Variants in FANCL observed in about 807,000 individuals in gnomAD.
FANCL encodes E3 ubiquitin-protein ligase FANCL.
Under a neutral mutation model 59.4 loss-of-function variants are expected in FANCL, and 69 were observed. That is an observed-to-expected ratio of 1.16 (90% confidence interval 0.96 to 1.42). The LOEUF (loss-of-function observed/expected upper bound fraction) is 1.42, where lower values mean the gene tolerates loss of function less well. FANCL is among the 40% of genes most tolerant of loss of function. The pLI is 0.00. For synonymous variants in FANCL, 180 were observed against 147.1 expected (o/e 1.22, Z -1.62); for missense variants, 519 against 447.2 (o/e 1.16, Z -1.45).
intron 7 of FANCL, among the ~76,000 whole-genome samples, chr2:58,166,658 G>C (rs1685982048): frequency 6.6e-6 from 1 of 152,094 alleles, no homozygotes; most frequent in Admixed American, 6.6e-5. Context: ...TAATAAGAAG[G>C]ATTTGTTTCA....
intron 7 of FANCL, among the ~76,000 whole-genome samples, chr2:58,188,386 T>G (rs540663201): frequency 1.1e-3 from 160 of 152,270 alleles, no homozygotes; most frequent in Admixed American, 4.1e-3. Flanking sequence ...ACAGGACCTT[T>G]GCAGCCTTTG....
intron 5 of FANCL, among the ~76,000 whole-genome samples, chr2:58,207,197 C>T (rs1378149191): frequency 6.6e-6 from 1 of 152,118 alleles, no homozygotes; most frequent in Non-Finnish European, 1.5e-5. Context: ...ACTCTCCTTT[C>T]CTGTAGACTA....
chr2:58,216,655 G>A (rs759388980), intron 5 of FANCL, among the ~76,000 whole-genome samples: 11 of 152,096 alleles, frequency 7.2e-5, no homozygotes, highest in Non-Finnish European at 1.3e-4. Context: ...TTTTCAAAAA[G>A]TATTAGGGAT....
chr2:58,200,417 G>A (rs1445455478), intron 6 of FANCL, among the ~76,000 whole-genome samples: 1 of 151,982 alleles, frequency 6.6e-6, no homozygotes. Context: ...CTTCTAAAAT[G>A]TCAAAATTCT....
At chr2:58,216,141 C>G (rs2105237393) in intron 5 of FANCL, among the ~76,000 whole-genome samples, 1 of 152,158 alleles carries the variant, frequency 6.6e-6, no homozygotes, top group South Asian at 2.1e-4. Context: ...GGGGGAAATC[C>G]CAATGAATAT....
rs377052216 is a variant in FANCL at position 58,160,185 on chromosome 2, A to G, written c.1021-6T>C. On this transcript the variant is annotated splice_polypyrimidine_tract_variant and splice_region_variant and intron_variant, in intron 12 of 13. Transcript: ENST00000233741. The stretch of plus-strand genomic sequence containing the variant: ...GTTAGTAGTCCTCTCAGCCACTGCA[A>G]ATTTTAAAAGATAAAGGAGAAGCGT... The G allele has an allele frequency of 1.9e-5, 30 of 1,612,248 alleles. No homozygotes were observed. The African/African-American group carries it at 3.5e-4, about 19-fold the overall frequency.
At chr2:58,183,854 T>C (rs1688154977) in intron 7 of FANCL, among the ~76,000 whole-genome samples, 2 of 151,988 alleles carry the variant, frequency 1.3e-5, no homozygotes, top group Non-Finnish European at 2.9e-5. Flanking sequence ...TTCTCTGATA[T>C]AAAAGTACCC....
rs536357184 is a variant in FANCL at position 58,228,517 on chromosome 2, T to A, written c.216+1297A>T. ...CAATACTGTTTTTGTAAACAAAGTT[T>A]TATTGGCATGTAGCCATACACATTC... On this transcript the variant is annotated intron_variant, in intron 3 of 13. Transcript: ENST00000233741. Among the ~76,000 whole-genome samples the A allele has an allele frequency of 2.0e-5, 3 of 152,358 alleles. No individual in the cohort carries two copies. In the South Asian group the frequency reaches 6.2e-4, roughly 32 times the overall value.
intron 7 of FANCL, among the ~76,000 whole-genome samples, chr2:58,187,821 G>A (rs1004005792): frequency 2.0e-5 from 3 of 152,094 alleles, no homozygotes; most frequent in African/African-American, 7.2e-5. Flanking sequence ...AACTTTGAGA[G>A]TTCTTTATAT....
intron 3 of FANCL, 151 bp downstream of exon 3, chr2:58,229,663 G>A (rs773518421): frequency 3.0e-6 from 2 of 655,756 alleles, no homozygotes; most frequent in Admixed American, 5.1e-5. Flanking sequence ...AGGACACTGA[G>A]ATTTAAAAAC....
intron 12 of FANCL, 38 bp downstream of exon 12, chr2:58,161,484 T>A (rs1177586171): frequency 1.6e-6 from 2 of 1,225,818 alleles, no homozygotes; most frequent in Admixed American, 1.7e-5. Context: ...TATGTTGTGT[T>A]AGCGGAAAAA....
At position 58,165,812 on chromosome 2, in the gene FANCL, C is replaced by A; in HGVS notation, c.603G>T (p.Trp201Cys). 1 of 1,614,028 alleles carries A rather than the reference C, an allele frequency of 6.2e-7. No homozygotes were observed. The highest frequency in any genetic ancestry group is 8.5e-7 in the Non-Finnish European group (1 of 1,179,964). Residue 201 changes from tryptophan to cysteine, a missense_variant, in exon 8 of 14, where the codon TGG (tryptophan) becomes TGT (cysteine). Physicochemically the swap from Trp to Cys is radical, Grantham distance 215. Coordinates refer to ENST00000233741, the MANE Select transcript of FANCL (RefSeq NM_018062.4). The stretch of plus-strand genomic sequence containing the variant: ...TCTCATCGATTTCATCCATAACATC[C>A]CAGAATGCCTTTAGTGATTCTATTG... ...LAAIESLKAF[W>C]DVMDEIDEKT...
chr2:58,194,380 T>C (rs1689231920), intron 7 of FANCL: 5 of 448,678 alleles, frequency 1.1e-5, no homozygotes. Flanking sequence ...ACATCTGACC[T>C]GTATGTAAAA....
intron 7 of FANCL, among the ~76,000 whole-genome samples, chr2:58,192,089 C>A (rs1292953893): frequency 6.6e-5 from 10 of 151,942 alleles, no homozygotes; most frequent in African/African-American, 2.4e-4. Flanking sequence ...TTATTAACAT[C>A]AGCAAGTAAA....
At chr2:58,193,301 A>T (rs1247593299) in intron 7 of FANCL, among the ~76,000 whole-genome samples, 1 of 152,120 alleles carries the variant, frequency 6.6e-6, no homozygotes, top group African/African-American at 2.4e-5. Context: ...TTATACAATG[A>T]CACCTCAATA....
chr2:58,190,827 A>G (rs191979160), intron 7 of FANCL, among the ~76,000 whole-genome samples: 313 of 151,994 alleles, frequency 2.1e-3, no homozygotes, highest in Middle Eastern at 3.4e-3. Context: ...TTCCAATTCT[A>G]TATCTATCTA....
chr2:58,185,642 T>G (rs949413507), intron 7 of FANCL, among the ~76,000 whole-genome samples: 3 of 152,148 alleles, frequency 2.0e-5, no homozygotes, highest in African/African-American at 7.2e-5. Context: ...ACCCCGATAA[T>G]TAAGCAGGGT....
chr2:58,201,505 AGGCT>A (rs1386579146), intron 6 of FANCL, among the ~76,000 whole-genome samples: 2 of 152,016 alleles, frequency 1.3e-5, no homozygotes, highest in African/African-American at 4.8e-5. Flanking sequence ...CTAAGCAGTA[AGGCT>A]GATCCCCAAG....
At chr2:58,170,231 T>G (rs1277339502) in intron 7 of FANCL, among the ~76,000 whole-genome samples, 4 of 152,158 alleles carry the variant, frequency 2.6e-5, no homozygotes, top group African/African-American at 9.7e-5. Flanking sequence ...GGGCCAATAT[T>G]TAATATTCTT....
Sources: gnomAD v4.1 joint callset for allele counts (sites outside exome capture counted in the v4.1 genomes callset) on GRCh38, gnomAD v4.1.1 for gene constraint, MANE v1.5 for transcripts, NCBI Gene and HGNC (gene_info 2026-07-23, HGNC 2026-07-21) for gene names.